CSMD1: variants seen among roughly 807,000 people sequenced by gnomAD.
The protein encoded by CSMD1 is CUB and Sushi multiple domains 1.
A neutral mutation model predicts 417.5 loss-of-function variants in CSMD1; 213 were observed. The observed-to-expected ratio is 0.51, with a 90% CI of 0.46 to 0.57. The LOEUF is 0.57. CSMD1 is among the 20% of genes least tolerant of loss of function. The pLI, the probability that CSMD1 is intolerant of heterozygous loss-of-function variation, is 0.00. For synonymous variants in CSMD1, 2,862 were observed against 1,736.8 expected (o/e 1.65, Z -16.11); for missense variants, 6,923 against 4,529.7 (o/e 1.53, Z -15.17).
chr8:4,390,465 T>G (rs192854105), intron 3 of CSMD1, among the ~76,000 whole-genome samples: 2 of 142,766 alleles, frequency 1.4e-5, no homozygotes, highest in African/African-American at 5.3e-5. Flanking sequence ...ACCAACATAG[T>G]TAAGAAAACT....
At chr8:4,616,955 CCAAG>C (rs1407915675) in intron 2 of CSMD1, among the ~76,000 whole-genome samples, 1 of 105,926 alleles carries the variant, frequency 9.4e-6, no homozygotes, top group Non-Finnish European at 1.9e-5. Flanking sequence ...TTTATTTATT[CCAAG>C]CAGATTTCTT....
intron 2 of CSMD1, among the ~76,000 whole-genome samples, chr8:4,525,544 A>T (rs1796470049): frequency 1.3e-5 from 2 of 152,152 alleles, no homozygotes; most frequent in South Asian, 4.1e-4. Flanking sequence ...CCTTGTAGCA[A>T]CCCCTAAAGG....
chr8:4,051,829 C>CTCTTTCTTT (rs1227128227), intron 3 of CSMD1, among the ~76,000 whole-genome samples: 27 of 149,178 alleles, frequency 1.8e-4, no homozygotes, highest in African/African-American at 6.7e-4. Context: ...TCTCTTTCTT[C>CTCTTTCTTT]TCTTTCTTTT....
At chr8:4,668,478 C>T (rs1057114280) in intron 1 of CSMD1, among the ~76,000 whole-genome samples, 8 of 146,156 alleles carry the variant, frequency 5.5e-5, no homozygotes, top group South Asian at 2.2e-4. Context: ...GAGATGGAGT[C>T]TCGCTCTGTC....
At chr8:4,725,082 G>A (rs991770321) in intron 1 of CSMD1, among the ~76,000 whole-genome samples, 1 of 151,976 alleles carries the variant, frequency 6.6e-6, no homozygotes, top group Admixed American at 6.6e-5. Flanking sequence ...TGCCATTTGC[G>A]ATCCGAACTT....
intron 1 of CSMD1, among the ~76,000 whole-genome samples, chr8:4,988,861 C>A (rs533599181): frequency 6.6e-6 from 1 of 152,244 alleles, no homozygotes; most frequent in Non-Finnish European, 1.5e-5. Flanking sequence ...TTCCATAAAG[C>A]TCCCTATAAT....
intron 3 of CSMD1, among the ~76,000 whole-genome samples, chr8:4,393,631 A>G (rs1234222177): frequency 1.3e-5 from 2 of 152,160 alleles, no homozygotes; most frequent in African/African-American, 4.8e-5. Context: ...TAAATTATCA[A>G]TGTTGAAAAG....
chr8:4,203,849 C>G (rs1232238790), intron 3 of CSMD1, among the ~76,000 whole-genome samples: 7 of 152,132 alleles, frequency 4.6e-5, no homozygotes, highest in African/African-American at 1.4e-4. Flanking sequence ...CCTGTAATCC[C>G]AGCACTTTTG....
Position 4,499,182 on chromosome 8 carries a change from A to G in CSMD1, c.303-79117T>C, listed in dbSNP as rs182495339. Among the ~76,000 whole-genome samples, 10 of 152,340 alleles carry G rather than the reference A, an allele frequency of 6.6e-5. No individual in the cohort carries two copies. The East Asian group carries it at 1.3e-3, about 21-fold the overall frequency. Reference sequence around the variant, plus strand: ...GAAGATGCCATCAAAGGAAAGCAAGACAGAAAATTGAGGAGCCTCAGAAAG... The same window carrying G: ...GAAGATGCCATCAAAGGAAAGCAAGGCAGAAAATTGAGGAGCCTCAGAAAG... On this transcript the variant is annotated intron_variant, in intron 2 of 69. Coordinates refer to ENST00000635120, the MANE Select transcript of CSMD1 (RefSeq NM_033225.6).
intron 7 of CSMD1, among the ~76,000 whole-genome samples, chr8:3,632,251 T>C (rs549457319): frequency 6.6e-6 from 1 of 152,310 alleles, no homozygotes; most frequent in East Asian, 1.9e-4. Context: ...CTTTAACCAT[T>C]TGATAATGCA....
chr8:3,306,055 G>A (rs555184649), intron 25 of CSMD1, among the ~76,000 whole-genome samples: 130 of 152,110 alleles, frequency 8.5e-4, no homozygotes, highest in Middle Eastern at 3.4e-3. Flanking sequence ...TGCTTTAATT[G>A]TTGTTCTTGC....
chr8:4,823,058 C>T (rs775240618), intron 1 of CSMD1, among the ~76,000 whole-genome samples: 61 of 152,042 alleles, frequency 4.0e-4, no homozygotes, highest in Middle Eastern at 3.4e-3. Context: ...GCATTTTTGC[C>T]ACTCTGTCCA....
chr8:3,067,169 C>A (rs754917532), intron 49 of CSMD1, among the ~76,000 whole-genome samples: 3 of 152,104 alleles, frequency 2.0e-5, no homozygotes, highest in Non-Finnish European at 4.4e-5. Context: ...AGAGTGTCAG[C>A]CAACAAGGTG....
intron 6 of CSMD1, among the ~76,000 whole-genome samples, chr8:3,715,941 A>C (rs562002164): frequency 6.6e-5 from 10 of 152,326 alleles, no homozygotes; most frequent in African/African-American, 2.4e-4. Flanking sequence ...CCCTGTGGAC[A>C]TGATGGAGGA....
intron 2 of CSMD1, among the ~76,000 whole-genome samples, chr8:4,431,922 T>C (rs937322437): frequency 1.2e-4 from 19 of 152,130 alleles, no homozygotes; most frequent in African/African-American, 4.3e-4. Context: ...ATTGGGTAAA[T>C]GGGAATTACT....
intron 25 of CSMD1, among the ~76,000 whole-genome samples, chr8:3,299,613 C>G (rs946707409): frequency 6.6e-6 from 1 of 152,020 alleles, no homozygotes; most frequent in Non-Finnish European, 1.5e-5. Flanking sequence ...TTCTGCCTCA[C>G]AAAGTGTGGG....
At chr8:3,024,991 T>C (rs746701069) in intron 51 of CSMD1, among the ~76,000 whole-genome samples, 5 of 151,760 alleles carry the variant, frequency 3.3e-5, no homozygotes, top group Admixed American at 1.3e-4. Flanking sequence ...TAAAACTGTG[T>C]ATTGTGTGGT....
chr8:3,810,638 C>T (rs931823243), intron 5 of CSMD1, among the ~76,000 whole-genome samples: 1 of 152,094 alleles, frequency 6.6e-6, no homozygotes, highest in Non-Finnish European at 1.5e-5. Flanking sequence ...GGACTGGAGT[C>T]TTTAGTTTAT....
intron 35 of CSMD1, 41 bp from the exon 36 acceptor site, chr8:3,188,006 T>A: frequency 6.5e-7 from 1 of 1,531,282 alleles, no homozygotes; most frequent in Non-Finnish European, 9.0e-7. Flanking sequence ...ATTTTTGGCT[T>A]AACACAATTA....
Sources: allele counts gnomAD v4.1 joint callset (sites outside exome capture counted in the v4.1 genomes callset), GRCh38; gene constraint gnomAD v4.1.1; transcripts MANE v1.5; gene names NCBI Gene and HGNC (gene_info 2026-07-23, HGNC 2026-07-21).